The following CCDC30 variants were observed in gnomAD, a reference collection of about 807,000 sequenced individuals.
The protein encoded by CCDC30 is coiled-coil domain-containing protein 30.
In CCDC30, 70 loss-of-function variants were observed where a neutral mutation model predicts 100.2. The ratio of observed to expected loss-of-function variants is 0.70; its 90% CI spans 0.58 to 0.85. CCDC30 has a LOEUF of 0.85. Ranked by LOEUF, CCDC30 falls within the 40% of genes least tolerant of loss-of-function variation. The pLI is 0.00. For missense variants in CCDC30, 652 were observed against 771.2 expected, an observed-to-expected ratio of 0.85 and a Z score of 1.83; for synonymous variants, 233 against 269.5, an observed-to-expected ratio of 0.86 and a Z score of 1.33.
In CCDC30 at chr1:42,642,689, T is replaced by C. The variant is rs749288059; in HGVS notation, c.1556+80T>C. 4.9e-5 allele frequency: 64 copies of C among 1,310,920 alleles called. No individual in the cohort carries two copies. The East Asian group carries it at 6.9e-4, about 14-fold the overall frequency. 81.2% of individuals were successfully genotyped at this position (1,310,920 alleles called of 1,614,324 possible). On this transcript the variant is annotated intron_variant, in intron 13 of 16. Transcript: ENST00000668663. ...TCAACAAAGAGATGGTTCTAGAGAC[T>C]GTCCTTTGAGTTTGTAGCCTACCCT...
chr1:42,545,739 G>T (rs1645116010), intron 6 of CCDC30, among the ~76,000 whole-genome samples, 160 bp downstream of exon 9: 1 of 151,976 alleles, frequency 6.6e-6, no homozygotes, highest in Admixed American at 6.6e-5. Context: ...TTGAGCTCAG[G>T]AGTTTGAGAC....
At chr1:42,577,634 T>A (rs908280053) in intron 8 of CCDC30, among the ~76,000 whole-genome samples, 1 of 147,472 alleles carries the variant, frequency 6.8e-6, no homozygotes, top group African/African-American at 2.7e-5. Flanking sequence ...GATGTTTATT[T>A]TTATTTATTT....
At chr1:42,502,208 G>T (rs1644325297) in intron 6 of CCDC30, among the ~76,000 whole-genome samples, 1 of 152,270 alleles carries the variant, frequency 6.6e-6, no homozygotes, top group African/African-American at 2.4e-5. Flanking sequence ...ATCTCAGACT[G>T]CTGTGCTAGC....
chr1:42,621,578 C>T (rs1646833249), intron 11 of CCDC30, among the ~76,000 whole-genome samples: 1 of 151,964 alleles, frequency 6.6e-6, no homozygotes, highest in Non-Finnish European at 1.5e-5. Context: ...GTGGCGTGAT[C>T]TCTGCTCACT....
At chr1:42,644,133 A>T (rs1647675391) in intron 13 of CCDC30, among the ~76,000 whole-genome samples, 1 of 152,204 alleles carries the variant, frequency 6.6e-6, no homozygotes, top group Non-Finnish European at 1.5e-5. Flanking sequence ...TATGTAAAGG[A>T]GAGTATATAC....
the CCDC30 span, chr1:42,457,355 T>C: frequency 1.9e-6 from 3 of 1,609,940 alleles, no homozygotes; most frequent in Non-Finnish European, 1.7e-6. Flanking sequence ...CTGCAGGTGA[T>C]GGGCGCTTCT....
chr1:42,609,455 A>G (rs1261482432), intron 10 of CCDC30, among the ~76,000 whole-genome samples: 1 of 152,200 alleles, frequency 6.6e-6, no homozygotes, highest in Non-Finnish European at 1.5e-5. Flanking sequence ...CAGATTTTCA[A>G]CTGTGTGGGG....
At chr1:42,505,962 G>A (rs1479352807) in intron 6 of CCDC30, among the ~76,000 whole-genome samples, 1 of 152,138 alleles carries the variant, frequency 6.6e-6, no homozygotes, top group East Asian at 1.9e-4. Flanking sequence ...TTCTCCAATT[G>A]TATTCTGTTG....
In CCDC30 at chr1:42,653,815, T is replaced by TA. The variant is rs752270349; in HGVS notation, c.1923-2dup. 6.2e-7 allele frequency: 1 copy of TA among 1,611,208 alleles called. No homozygotes were observed. Among genetic ancestry groups the TA allele is most frequent in the African/African-American group, 1.3e-5 (1 of 74,792 alleles). On this transcript the variant is annotated splice_polypyrimidine_tract_variant and splice_region_variant and intron_variant, in intron 16 of 16. Coordinates refer to ENST00000668663, the Ensembl canonical transcript of CCDC30. Reference sequence around the variant, plus strand: ...TGATGTCCTCACATATGGCATTTCTTAGTTTTTCAGGAAAAGGTTTGGTAG... The same window carrying TA: ...TGATGTCCTCACATATGGCATTTCTTAAGTTTTTCAGGAAAAGGTTTGGTAG...
chr1:42,485,730 T>C (rs562997091), intron 3 of CCDC30, among the ~76,000 whole-genome samples: 2 of 152,298 alleles, frequency 1.3e-5, no homozygotes, highest in East Asian at 1.9e-4. Flanking sequence ...CATGAAAAGA[T>C]GCTCAGCACC....
At chr1:42,545,428 G>A (rs12746482) in intron 6 of CCDC30, 2 of 1,575,014 alleles carry the variant, frequency 1.3e-6, no homozygotes, top group Non-Finnish European at 1.7e-6. Flanking sequence ...GCTTTCACAA[G>A]AATTTGCACA....
chr1:42,497,100 G>A (rs1644243596), exon 5 of CCDC30: 2 of 1,230,964 alleles, frequency 1.6e-6, no homozygotes, highest in East Asian at 3.2e-5. Context: ...TGTTTTAGAT[G>A]CAGCTGACCT....
chr1:42,571,352 T>C (rs1005170855), intron 7 of CCDC30: 1 of 152,178 alleles, frequency 6.6e-6, no homozygotes, highest in Non-Finnish European at 1.5e-5. Context: ...CATAGTAAGA[T>C]TGTTCTTGAA....
At chr1:42,474,242 G>T (rs1191400161) in intron 1 of CCDC30, among the ~76,000 whole-genome samples, 1 of 152,168 alleles carries the variant, frequency 6.6e-6, no homozygotes, top group Admixed American at 6.5e-5. Context: ...GGGGTGAAAA[G>T]TTGCCTTTAG....
intron 15 of CCDC30, among the ~76,000 whole-genome samples, chr1:42,650,302 G>T (rs1308209351): frequency 6.6e-6 from 1 of 151,866 alleles, no homozygotes; most frequent in Non-Finnish European, 1.5e-5. Context: ...GTACCCAGGA[G>T]TTCAAGACCA....
Position 42,581,383 on chromosome 1 carries a change from A to G in CCDC30, c.870A>G (p.Leu290=). 5 of 1,605,478 alleles carry G rather than the reference A, an allele frequency of 3.1e-6. No individual in the cohort carries two copies. The South Asian group carries it at 5.6e-5, about 18-fold the overall frequency. ...AGATTTTGGACCTGCAGCGGAAATT[A>G]GAACATGCTCATAAAGTCTGTCTCA... Residue 290 remains leucine (L), a synonymous_variant, in exon 9 of 17, where the codon TTA becomes TTG. Coordinates refer to ENST00000668663, the Ensembl canonical transcript of CCDC30.
intron 8 of CCDC30, among the ~76,000 whole-genome samples, chr1:42,580,661 T>C (rs1445641171): frequency 6.6e-6 from 1 of 152,218 alleles, no homozygotes; most frequent in African/African-American, 2.4e-5. Flanking sequence ...AAAAAATGTT[T>C]TTAAATGACA....
At chr1:42,637,028 T>C (rs1322907039) in intron 11 of CCDC30, among the ~76,000 whole-genome samples, 2 of 134,632 alleles carry the variant, frequency 1.5e-5, no homozygotes, top group African/African-American at 5.6e-5. Context: ...TCCACAGCAG[T>C]AGTTAAAGCT....
chr1:42,546,012 A>T (rs1373267001), intron 6 of CCDC30, among the ~76,000 whole-genome samples: 1 of 151,914 alleles, frequency 6.6e-6, no homozygotes. Context: ...AAAATTAGTT[A>T]TAAGCATTCT....
Sources: allele counts gnomAD v4.1 joint callset (sites outside exome capture counted in the v4.1 genomes callset), GRCh38; gene constraint gnomAD v4.1.1; transcripts MANE v1.5; gene names NCBI Gene and HGNC (gene_info 2026-07-23, HGNC 2026-07-21).